The following CDH13 variants were observed in gnomAD, a reference collection of about 807,000 sequenced individuals.
CDH13 encodes the protein cadherin-13.
CDH13 carries 24 observed loss-of-function variants against 63.8 expected under a neutral mutation model. The ratio of observed to expected loss-of-function variants is 0.38; its 90% CI spans 0.27 to 0.53. The LOEUF is 0.53. CDH13 is among the 20% of genes least tolerant of loss of function. The pLI, the probability that CDH13 is intolerant of heterozygous loss-of-function variation, is 0.85. For missense variants in CDH13, 1,049 were observed against 903.1 expected, an observed-to-expected ratio of 1.16 and a Z score of -2.07; for synonymous variants, 503 against 355.3, an observed-to-expected ratio of 1.42 and a Z score of -4.67.
chr16:83,459,036 C>A (rs898233598), intron 6 of CDH13, among the ~76,000 whole-genome samples: 4 of 152,220 alleles, frequency 2.6e-5, no homozygotes, highest in Non-Finnish European at 4.4e-5. Flanking sequence ...AACAAACACA[C>A]TTGTTTTCCT....
chr16:83,279,786 AG>A (rs2089107194), intron 5 of CDH13, among the ~76,000 whole-genome samples: 1 of 152,192 alleles, frequency 6.6e-6, no homozygotes, highest in Non-Finnish European at 1.5e-5. Flanking sequence ...GAGATATCAA[AG>A]GTTGATTTCA....
intron 10 of CDH13, among the ~76,000 whole-genome samples, chr16:83,718,904 G>A (rs766318990): frequency 6.6e-6 from 1 of 152,188 alleles, no homozygotes; most frequent in African/African-American, 2.4e-5. Context: ...TTGGGTGAGG[G>A]TTGCTCCTGA....
chr16:83,646,301 C>T (rs1157351985), intron 8 of CDH13, among the ~76,000 whole-genome samples: 6 of 152,142 alleles, frequency 3.9e-5, no homozygotes, highest in Non-Finnish European at 5.9e-5. Flanking sequence ...GTAGCGTACC[C>T]GGGTCATGAC....
intron 1 of CDH13, among the ~76,000 whole-genome samples, chr16:82,755,968 C>A (rs2034597852): frequency 6.6e-6 from 1 of 152,114 alleles, no homozygotes; most frequent in South Asian, 2.1e-4. Context: ...TTGCTTCTGC[C>A]TTAGGCAGAA....
chr16:83,489,004 C>G (rs182650427), intron 7 of CDH13, among the ~76,000 whole-genome samples: 2 of 152,184 alleles, frequency 1.3e-5, no homozygotes, highest in African/African-American at 4.8e-5. Context: ...CTATTCCCCA[C>G]TTGACACGTG....
chr16:83,352,109 C>T (rs910486200), intron 6 of CDH13, among the ~76,000 whole-genome samples: 2 of 152,130 alleles, frequency 1.3e-5, no homozygotes, highest in African/African-American at 4.8e-5. Flanking sequence ...CATTAACATG[C>T]TGCAGAGCCC....
At chr16:82,794,316 GC>G (rs1037808523) in intron 1 of CDH13, among the ~76,000 whole-genome samples, 1 of 138,286 alleles carries the variant, frequency 7.2e-6, no homozygotes, top group Non-Finnish European at 1.7e-5. Flanking sequence ...CTACAAACTC[GC>G]CAGCTCTGCA....
intron 1 of CDH13, among the ~76,000 whole-genome samples, chr16:82,655,401 G>C (rs1911183785): frequency 6.6e-6 from 1 of 152,196 alleles, no homozygotes; most frequent in African/African-American, 2.4e-5. Context: ...AAGTAGATGA[G>C]ATGGCCATGT....
chr16:83,354,213 C>T lies in CDH13; in HGVS notation c.781+9207C>T, dbSNP rs536068247. ...TAGCACAGAACGTGCTCACCAGCGCCGTTGGATCCTATCCCTGATACCAAA... is the reference window on the plus strand; with the variant it reads ...TAGCACAGAACGTGCTCACCAGCGCTGTTGGATCCTATCCCTGATACCAAA... On this transcript the variant is annotated intron_variant, in intron 6 of 13. Coordinates refer to ENST00000567109, the MANE Select transcript of CDH13 (RefSeq NM_001257.5). Among the ~76,000 whole-genome samples, 15 of 152,332 alleles carry T rather than the reference C, an allele frequency of 9.8e-5. No individual in the cohort carries two copies. The South Asian group carries it at 1.0e-3, about 11-fold the overall frequency.
At chr16:83,389,425 G>T (rs2091741215) in intron 6 of CDH13, among the ~76,000 whole-genome samples, 1 of 152,074 alleles carries the variant, frequency 6.6e-6, no homozygotes, top group Non-Finnish European at 1.5e-5. Context: ...TTTCCCATTT[G>T]ACCCCGAATT....
chr16:83,306,851 A>T (rs1487244605), intron 5 of CDH13, among the ~76,000 whole-genome samples: 2 of 152,186 alleles, frequency 1.3e-5, no homozygotes, highest in African/African-American at 4.8e-5. Flanking sequence ...TCTTCTTTGG[A>T]AATTACCCAG....
chr16:82,851,421 T>C (rs186585595), intron 1 of CDH13, among the ~76,000 whole-genome samples: 2 of 125,594 alleles, frequency 1.6e-5, no homozygotes, highest in South Asian at 2.8e-4. Flanking sequence ...GGTGACAGAG[T>C]GAGATTTCGT....
intron 6 of CDH13, among the ~76,000 whole-genome samples, chr16:83,460,130 T>A (rs1441096658): frequency 6.6e-6 from 1 of 152,226 alleles, no homozygotes; most frequent in African/African-American, 2.4e-5. Context: ...GAAAAATGAC[T>A]AATGTATAAA....
At chr16:83,080,871 GTTTT>G (rs71148809) in intron 3 of CDH13, among the ~76,000 whole-genome samples, 36 of 46,950 alleles carry the variant, frequency 7.7e-4, no homozygotes, top group African/African-American at 3.0e-3. Context: ...TTGTTTTTGT[GTTTT>G]TTTTTTTTTT....
At chr16:83,115,972 G>A (rs1167320071) in intron 3 of CDH13, among the ~76,000 whole-genome samples, 4 of 152,220 alleles carry the variant, frequency 2.6e-5, no homozygotes, top group Non-Finnish European at 5.9e-5. Flanking sequence ...CCCGGGTCAA[G>A]CTGCGTCTGG....
At chr16:83,200,232 C>A (rs1335010993) in intron 4 of CDH13, among the ~76,000 whole-genome samples, 1 of 152,186 alleles carries the variant, frequency 6.6e-6, no homozygotes, top group Non-Finnish European at 1.5e-5. Context: ...CCTTGTCCAT[C>A]ACCAGATGAG....
At chr16:82,925,617 C>T (rs1298079457) in intron 2 of CDH13, among the ~76,000 whole-genome samples, 3 of 152,196 alleles carry the variant, frequency 2.0e-5, no homozygotes, top group African/African-American at 7.2e-5. Context: ...ATGGGTATGG[C>T]ATGGCCAACC....
chr16:83,133,440 C>T lies in CDH13; in HGVS notation c.483+7939C>T, dbSNP rs575584151. On this transcript the variant is annotated intron_variant, in intron 4 of 13. Coordinates refer to ENST00000567109, the MANE Select transcript of CDH13 (RefSeq NM_001257.5). Reference sequence around the variant, plus strand: ...AGTATTAAATTATTAATATGGCTCACGTATTTTTATCAGATGGTGCTAATG... The same window carrying T: ...AGTATTAAATTATTAATATGGCTCATGTATTTTTATCAGATGGTGCTAATG... Among the ~76,000 whole-genome samples the T allele has an allele frequency of 3.0e-4, 45 of 151,994 alleles. 1 individual carries two copies. The highest frequency in any genetic ancestry group is 8.3e-4 in the South Asian group (4 of 4,812).
At chr16:83,724,996 T>A (rs1910212025) in intron 10 of CDH13, among the ~76,000 whole-genome samples, 1 of 152,166 alleles carries the variant, frequency 6.6e-6, no homozygotes, top group Admixed American at 6.5e-5. Flanking sequence ...GGATATACAG[T>A]CACCACGACA....
Sources: gnomAD v4.1 joint callset for allele counts (sites outside exome capture counted in the v4.1 genomes callset) on GRCh38, gnomAD v4.1.1 for gene constraint, MANE v1.5 for transcripts, NCBI Gene and HGNC (gene_info 2026-07-23, HGNC 2026-07-21) for gene names.